The following GRM5 variants were observed in gnomAD, a reference collection of about 807,000 sequenced individuals.
The protein encoded by GRM5 is glutamate metabotropic receptor 5, also known as metabotropic glutamate receptor 5.
Under a neutral mutation model 83.1 loss-of-function variants are expected in GRM5, and 19 were observed. That is an observed-to-expected ratio of 0.23 (90% CI 0.16 to 0.34). The LOEUF (loss-of-function observed/expected upper bound fraction) is 0.34. Among genes scored for constraint, GRM5 ranks in the 10% least tolerant of loss-of-function variants. The probability of loss-of-function intolerance (pLI) is 1.00; values close to 1 mark genes in which losing one functional copy is unlikely to be tolerated. For missense variants in GRM5, 1,160 were observed against 1,588.3 expected, an observed-to-expected ratio of 0.73 and a Z score of 4.58; for synonymous variants, 675 against 633.6, an observed-to-expected ratio of 1.07 and a Z score of -0.98.
chr11:89,039,160 G>T (rs923948966), intron 2 of GRM5, among the ~76,000 whole-genome samples: 2 of 151,838 alleles, frequency 1.3e-5, no homozygotes, highest in African/African-American at 4.8e-5. Flanking sequence ...AGCTACTCGG[G>T]AGACTCAGGC....
chr11:88,860,126 C>T (rs918678570), intron 2 of GRM5, among the ~76,000 whole-genome samples: 4 of 152,088 alleles, frequency 2.6e-5, no homozygotes, highest in Non-Finnish European at 5.9e-5. Context: ...ATATTCCAAG[C>T]TTTTATTATT....
intron 3 of GRM5, among the ~76,000 whole-genome samples, chr11:88,677,057 T>C (rs1161071297): frequency 6.6e-6 from 1 of 152,072 alleles, no homozygotes; most frequent in Admixed American, 6.6e-5. Flanking sequence ...GTAAATTAAT[T>C]AAGAACTCTA....
chr11:88,529,810 T>C (rs1941966012), intron 8 of GRM5, among the ~76,000 whole-genome samples: 1 of 151,946 alleles, frequency 6.6e-6, no homozygotes, highest in African/African-American at 2.4e-5. Context: ...ATTTATTGGA[T>C]GATGAGTATA....
intron 3 of GRM5, among the ~76,000 whole-genome samples, chr11:88,659,974 G>T: frequency 6.6e-6 from 1 of 152,168 alleles, no homozygotes; most frequent in African/African-American, 2.4e-5. Flanking sequence ...AAATTGCATT[G>T]AGTGATCCTT....
At chr11:88,581,164 T>G (rs1468770356) in intron 7 of GRM5, among the ~76,000 whole-genome samples, 1 of 152,126 alleles carries the variant, frequency 6.6e-6, no homozygotes, top group African/African-American at 2.4e-5. Context: ...GTTAAAACTT[T>G]CCCCAAATTT....
intron 7 of GRM5, among the ~76,000 whole-genome samples, chr11:88,572,886 T>C (rs1352661963): frequency 6.6e-6 from 1 of 152,164 alleles, no homozygotes; most frequent in East Asian, 1.9e-4. Flanking sequence ...ATTTAATCAA[T>C]TTAGCATATG....
At chr11:89,021,971 A>C (rs1256951560) in intron 2 of GRM5, among the ~76,000 whole-genome samples, 1 of 152,230 alleles carries the variant, frequency 6.6e-6, no homozygotes, top group Admixed American at 6.5e-5. Context: ...AGAATGAGTT[A>C]AACCACATGA....
At chr11:88,884,324 C>T (rs1945007313) in intron 2 of GRM5, among the ~76,000 whole-genome samples, 1 of 152,136 alleles carries the variant, frequency 6.6e-6, no homozygotes, top group African/African-American at 2.4e-5. Flanking sequence ...TGCATGGAGC[C>T]TGAAGCCCCT....
In GRM5 at chr11:88,733,396, T is replaced by C. The variant is rs373400644; in HGVS notation, c.912-79993A>G. Among the ~76,000 whole-genome samples, 33 of 152,142 alleles carry C rather than the reference T, an allele frequency of 2.2e-4. No homozygotes were observed. In the East Asian group the frequency reaches 4.5e-3, roughly 21 times the overall value. The stretch of plus-strand genomic sequence containing the variant: ...AAATAATTTTTCAAGTTTATATATA[T>C]ACATGAAATATGAGACTCAGTGAAA... On this transcript the variant is annotated intron_variant, in intron 3 of 9. Transcript: ENST00000305447.
Position 88,883,454 on chromosome 11 carries a change from A to G in GRM5, c.662-33299T>C, listed in dbSNP as rs539969987. Among the ~76,000 whole-genome samples the G allele has an allele frequency of 2.0e-5, 3 of 152,278 alleles. No homozygotes were observed. In the South Asian group the frequency reaches 6.2e-4, roughly 32 times the overall value. ...CTGTGGAACTTTCAACTTGAGAGAG[A>G]TAATTTGGGGTATCTGGTGGAAGAA... On this transcript the variant is annotated intron_variant, in intron 2 of 9. Transcript: ENST00000305447.
chr11:88,915,186 A>G (rs890282247), intron 2 of GRM5, among the ~76,000 whole-genome samples: 9 of 152,108 alleles, frequency 5.9e-5, no homozygotes, highest in African/African-American at 2.2e-4. Context: ...AAATTCAGTG[A>G]AGGAGGAGGA....
At chr11:88,515,978 A>G (rs1941508089) in intron 9 of GRM5, among the ~76,000 whole-genome samples, 1 of 152,224 alleles carries the variant, frequency 6.6e-6, no homozygotes, top group African/African-American at 2.4e-5. Flanking sequence ...GTTTTCACCT[A>G]TGGCATCATA....
chr11:88,819,003 C>T (rs1391529933), intron 3 of GRM5, among the ~76,000 whole-genome samples: 2 of 151,948 alleles, frequency 1.3e-5, no homozygotes, highest in East Asian at 3.9e-4. Context: ...TTTTTCCTTC[C>T]AATTCTTATT....
At chr11:88,548,782 A>G (rs2135143436) in intron 8 of GRM5, among the ~76,000 whole-genome samples, 1 of 152,320 alleles carries the variant, frequency 6.6e-6, no homozygotes, top group East Asian at 1.9e-4. Flanking sequence ...ATTCTCTTGG[A>G]AAATGAACTA....
intron 8 of GRM5, among the ~76,000 whole-genome samples, chr11:88,552,165 T>C (rs1364989297): frequency 6.6e-6 from 1 of 151,950 alleles, no homozygotes; most frequent in Non-Finnish European, 1.5e-5. Context: ...ACTGGTATGA[T>C]AGCTGTCTGT....
intron 2 of GRM5, among the ~76,000 whole-genome samples, chr11:88,993,402 A>G (rs1337470083): frequency 6.6e-6 from 1 of 152,020 alleles, no homozygotes; most frequent in Admixed American, 6.6e-5. Flanking sequence ...AGATTAGTTG[A>G]CCATATATGT....
intron 6 of GRM5, among the ~76,000 whole-genome samples, chr11:88,595,931 T>A (rs1215101708): frequency 1.3e-5 from 2 of 152,226 alleles, no homozygotes; most frequent in Non-Finnish European, 2.9e-5. Flanking sequence ...GTTCTGCAAT[T>A]TTATTTATTT....
intron 2 of GRM5, among the ~76,000 whole-genome samples, chr11:88,994,810 T>C (rs959590321): frequency 2.0e-5 from 3 of 152,016 alleles, no homozygotes; most frequent in Admixed American, 6.6e-5. Context: ...TGAAGTTCTA[T>C]TGATATCTAT....
In GRM5 at chr11:88,537,402, C is replaced by T. The variant is rs923236003; in HGVS notation, c.2631-11998G>A. 4.6e-5 allele frequency among the ~76,000 whole-genome samples: 7 copies of T among 152,006 alleles called. No homozygotes were observed. The South Asian group carries it at 1.0e-3, about 23-fold the overall frequency. On this transcript the variant is annotated intron_variant, in intron 8 of 9. Coordinates refer to ENST00000305447, the MANE Select transcript of GRM5 (RefSeq NM_001143831.3). ...ACTAAGAAGAGCTGACAATCAGTTT[C>T]GATGTGTGGGATACAGTGTGATAGC...
Sources: gnomAD v4.1 joint callset for allele counts (sites outside exome capture counted in the v4.1 genomes callset) on GRCh38, gnomAD v4.1.1 for gene constraint, MANE v1.5 for transcripts, NCBI Gene and HGNC (gene_info 2026-07-23, HGNC 2026-07-21) for gene names.